ATN1: variants seen among roughly 807,000 people sequenced by gnomAD.
The protein encoded by ATN1 is atrophin-1.
In ATN1, 19 loss-of-function variants were observed where a neutral mutation model predicts 85.8. That is an observed-to-expected ratio of 0.22 (90% confidence interval 0.15 to 0.32). ATN1 has a LOEUF of 0.32. Ranked by LOEUF, ATN1 falls within the 10% of genes least tolerant of loss-of-function variation. The pLI is 1.00. For missense variants in ATN1, 1,453 were observed against 1,564.5 expected (o/e 0.93, Z 1.20); for synonymous variants, 674 against 657.0 (o/e 1.03, Z -0.39).
At position 6,936,719 on chromosome 12, in the gene ATN1, G is replaced by C. The variant is rs1555143742; in HGVS notation, c.1452G>C (p.Gln484His). Reference sequence around the variant, plus strand: ...TCTCAACACATCACCATCACCACCAGCAACAGCAACAGCAGCAGCAGCAGC... The same window carrying C: ...TCTCAACACATCACCATCACCACCACCAACAGCAACAGCAGCAGCAGCAGC... ...PPVSTHHHHH[Q>H]QQQQQQQQQQ... is the part of the protein sequence containing the mutation. The change falls in exon 5 of 10, where the codon CAG becomes CAC. Residue 484 changes from glutamine (Q) to histidine (H), a missense_variant. Transcript: ENST00000396684. 3.2e-6 allele frequency: 5 copies of C among 1,562,430 alleles called. No homozygotes were observed. The highest frequency in any genetic ancestry group is 2.2e-5 in the South Asian group (2 of 89,812).
At position 6,936,592 on chromosome 12, in the gene ATN1, C is replaced by T. The variant is rs782528418; in HGVS notation, c.1325C>T (p.Pro442Leu). 8 of 1,611,170 alleles carry T rather than the reference C, an allele frequency of 5.0e-6. No homozygotes were observed. The highest frequency in any genetic ancestry group is 6.8e-6 in the Non-Finnish European group (8 of 1,178,620). Residue 442 changes from proline (P) to leucine (L), a missense_variant, in exon 5 of 10, where the codon CCC becomes CTC. Pro to Leu is a moderately conservative substitution (Grantham distance 98). Coordinates refer to ENST00000396684, the MANE Select transcript of ATN1 (RefSeq NM_001940.4). ...LPSQAVWSQG[P>L]PPPPPYGRLL... ...TCCCAGGCTGTGTGGAGCCAGGGTC[C>T]CCCACCACCTCCTCCCTATGGCCGC...
rs782115782 is a variant in ATN1, at chr12:6,939,202, G to T, written c.3214+25G>T. On this transcript the variant is annotated intron_variant, in intron 7 of 9. Coordinates refer to ENST00000396684, the MANE Select transcript of ATN1 (RefSeq NM_001940.4). ...GGTGAGACCCCTCCTTCCTTGCCCT[G>T]GCCCTTTGGGGCCACCTTCCCCCTA... The T allele has an allele frequency of 7.0e-6, 11 of 1,563,978 alleles. No individual in the cohort carries two copies. The South Asian group carries it at 1.3e-4, about 18-fold the overall frequency.
Position 6,936,708 on chromosome 12 carries a change from C to T in ATN1, c.1441C>T (p.His481Tyr). The T allele has an allele frequency of 1.9e-6, 3 of 1,610,946 alleles. No individual in the cohort carries two copies. The highest frequency in any genetic ancestry group is 3.3e-5 in the Admixed American group (2 of 59,734). Reference protein sequence around the residue: ...TAHPPVSTHHHHHQQQQQQQQ... With the variant: ...TAHPPVSTHHYHHQQQQQQQQ... ...CCACCCACCAGTCTCAACACATCAC[C>T]ATCACCACCAGCAACAGCAACAGCA... The change falls in exon 5 of 10, where the codon CAT (histidine) becomes TAT (tyrosine). Residue 481 changes from histidine to tyrosine, a missense_variant. Physicochemically the swap from His to Tyr is moderately conservative, Grantham distance 83. Around this residue, in one of 6 missense-constraint regions of ATN1, gnomAD observed 990 missense variants for 914.8 expected, o/e 1.08. Coordinates refer to ENST00000396684, the MANE Select transcript of ATN1 (RefSeq NM_001940.4).
chr12:6,933,961 C>G lies in ATN1; in HGVS notation c.-41C>G. On this transcript the variant is annotated 5_prime_UTR_variant, in exon 2 of 10. Transcript: ENST00000396684. ...GGAGCAGAGAAGTTTCTGTATTCAG[C>G]TGCCCAGGCAGAGGAGAATGGGGTC... 1 of 1,587,894 alleles carries G rather than the reference C, an allele frequency of 6.3e-7. No homozygotes were observed. Among genetic ancestry groups the G allele is most frequent in the Non-Finnish European group, 8.6e-7 (1 of 1,166,906 alleles).
At chr12:6,939,230 A>G (rs1945600764) in intron 7 of ATN1, 53 bp downstream of exon 7, 2 of 1,523,752 alleles carry the variant, frequency 1.3e-6, no homozygotes, top group Admixed American at 1.9e-5. Context: ...TCCCCCTATC[A>G]TGACTGGGCT....
rs148778647 is a variant in ATN1 at position 6,936,713 on chromosome 12, C to G, written c.1446C>G (p.His482Gln). The change falls in exon 5 of 10, where the codon CAC becomes CAG. Residue 482 changes from histidine (H) to glutamine (Q), a missense_variant. By Grantham distance (24) the His-to-Gln change is conservative. Transcript: ENST00000396684. ...AHPPVSTHHH[H>Q]HQQQQQQQQQ... ...CACCAGTCTCAACACATCACCATCA[C>G]CACCAGCAACAGCAACAGCAGCAGC... The G allele has an allele frequency of 2.5e-6, 4 of 1,598,368 alleles. No homozygotes were observed. Among genetic ancestry groups the G allele is most frequent in the African/African-American group, 2.8e-5 (2 of 70,204 alleles).
chr12:6,937,173 C>T lies in ATN1; in HGVS notation c.1906C>T (p.Pro636Ser). The T allele has an allele frequency of 6.2e-7, 1 of 1,611,108 alleles. No individual in the cohort carries two copies. Among genetic ancestry groups the T allele is most frequent in the Non-Finnish European group, 8.5e-7 (1 of 1,179,710 alleles). The change falls in exon 5 of 10, where the codon CCC (proline) becomes TCC (serine). Residue 636 changes from proline to serine, a missense_variant. Pro to Ser is a moderately conservative substitution (Grantham distance 74). Transcript: ENST00000396684. This position sits in a 1 kb window ranked among gnomAD's most constrained non-coding sequence, Gnocchi z 6.0. ...AGYKTASPPG[P>S]PPYGKRAPSP... The stretch of plus-strand genomic sequence containing the variant: ...CTACAAAACGGCCTCCCCACCTGGG[C>T]CCCCACCGTACGGAAAGAGAGCCCC...
rs751840812 is a variant in ATN1, at chr12:6,941,787, C to T, written c.*7C>T. The T allele has an allele frequency of 6.2e-6, 10 of 1,613,740 alleles. No homozygotes were observed. The highest frequency in any genetic ancestry group is 2.2e-5 in the East Asian group (1 of 44,904). On this transcript the variant is annotated 3_prime_UTR_variant, in exon 10 of 10. Coordinates refer to ENST00000396684, the MANE Select transcript of ATN1 (RefSeq NM_001940.4). The surrounding 1 kb of genome is among the most constrained non-coding windows in gnomAD (Gnocchi z 5.9). Reference sequence around the variant, plus strand: ...AAGCGACAAGCCACTGTAGAACCTGCGATCAAGAGAGCACCATGGCTCCTA... The same window carrying T: ...AAGCGACAAGCCACTGTAGAACCTGTGATCAAGAGAGCACCATGGCTCCTA...
At position 6,936,451 on chromosome 12, in the gene ATN1, C is replaced by G. The variant is rs1555143671; in HGVS notation, c.1184C>G (p.Ser395Cys). 6.2e-7 allele frequency: 1 copy of G among 1,609,178 alleles called. No individual in the cohort carries two copies. The stretch of plus-strand genomic sequence containing the variant: ...TCTTCCAGTTCTTCCTCCTCTTCCT[C>G]TGCCTCCCCCTTCCCAGCTTCCCAG... The part of the protein sequence containing the change: ...ASSSSSSSSS[S>C]ASPFPASQAL... Residue 395 changes from serine (S) to cysteine (C), a missense_variant, in exon 5 of 10, where the codon TCT becomes TGT. Around this residue, in one of 6 missense-constraint regions of ATN1, gnomAD observed 990 missense variants for 914.8 expected, o/e 1.08. Transcript: ENST00000396684.
At position 6,936,321 on chromosome 12, in the gene ATN1, C is replaced by T. The variant is rs1555143635; in HGVS notation, c.1054C>T (p.Leu352=). The change falls in exon 5 of 10, where the codon CTG becomes TTG. Residue 352 remains leucine (L), a synonymous_variant. Coordinates refer to ENST00000396684, the MANE Select transcript of ATN1 (RefSeq NM_001940.4). ...LPPGPEKGPT[L]APSPHSLPPA... ...TCCTGGCCCAGAGAAGGGCCCAACT[C>T]TGGCTCCTTCACCCCACTCTCTGCC... 6.2e-7 allele frequency: 1 copy of T among 1,614,006 alleles called. No individual in the cohort carries two copies. Among genetic ancestry groups the T allele is most frequent in the Non-Finnish European group, 8.5e-7 (1 of 1,179,926 alleles).
Position 6,938,059 on chromosome 12 carries a change from C to G in ATN1, c.2509C>G (p.Arg837Gly). ...GCGCGAGAAGGAGCGCGAGCTTGAA[C>G]GCAGCGTGGTGAGTGCGTCACTGCC... ...REREKERELE[R>G]SVKLAQEGRA... Residue 837 changes from arginine (R) to glycine (G), a missense_variant, in exon 6 of 10, where the codon CGC becomes GGC. By Grantham distance (125) the Arg-to-Gly change is moderately radical. Around this residue, in one of 6 missense-constraint regions of ATN1, gnomAD observed 990 missense variants for 914.8 expected, o/e 1.08. Coordinates refer to ENST00000396684, the MANE Select transcript of ATN1 (RefSeq NM_001940.4). The G allele has an allele frequency of 6.5e-7, 1 of 1,544,434 alleles. No homozygotes were observed. Among genetic ancestry groups the G allele is most frequent in the Non-Finnish European group, 8.7e-7 (1 of 1,145,774 alleles).
At chr12:6,930,526 T>C (rs782277364) in intron 1 of ATN1, among the ~76,000 whole-genome samples, 24 of 152,344 alleles carry the variant, frequency 1.6e-4, no homozygotes, top group African/African-American at 5.0e-4. Flanking sequence ...CAGTGCGCAG[T>C]GGCTCACGCC....
Position 6,936,792 on chromosome 12 carries a change from C to A in ATN1, c.1525C>A (p.Pro509Thr). The A allele has an allele frequency of 6.2e-7, 1 of 1,612,972 alleles. No individual in the cohort carries two copies. Residue 509 changes from proline (P) to threonine (T), a missense_variant, in exon 5 of 10, where the codon CCC becomes ACC. Physicochemically the swap from Pro to Thr is conservative, Grantham distance 38. This residue lies in a region of ATN1 where 990 missense variants were observed against 914.8 expected (regional missense o/e 1.08). Transcript: ENST00000396684. ...QQQQHHGNSG[P>T]PPPGAFPHPL... ...GCAGCAGCATCACGGAAACTCTGGGCCCCCTCCTCCTGGAGCATTTCCCCA... is the reference window on the plus strand; with the variant it reads ...GCAGCAGCATCACGGAAACTCTGGGACCCCTCCTCCTGGAGCATTTCCCCA...
chr12:6,936,779 C>T lies in ATN1; in HGVS notation c.1512C>T (p.His504=), dbSNP rs782485916. 5.2e-6 allele frequency: 8 copies of T among 1,544,488 alleles called. No homozygotes were observed. Among genetic ancestry groups the T allele is most frequent in the South Asian group, 3.6e-5 (3 of 83,070 alleles). ...QQQQQQQQQH[H]GNSGPPPPGA... is the part of the protein sequence containing the mutation. ...AGCAGCAGCAGCAGCAGCAGCATCA[C>T]GGAAACTCTGGGCCCCCTCCTCCTG... is the stretch of plus-strand genomic sequence containing the variant. Residue 504 remains histidine, a synonymous_variant, in exon 5 of 10, where the codon CAC becomes CAT. Coordinates refer to ENST00000396684, the MANE Select transcript of ATN1 (RefSeq NM_001940.4).
rs781810775 is a variant in ATN1 at position 6,932,242 on chromosome 12, C to CA, written c.-162-1597dup. Among the ~76,000 whole-genome samples, 404 of 152,186 alleles carry CA rather than the reference C, an allele frequency of 2.7e-3. 2 individuals are homozygous for CA. The highest frequency in any genetic ancestry group is 9.2e-3 in the African/African-American group (381 of 41,506). On this transcript the variant is annotated intron_variant, in intron 1 of 9. Transcript: ENST00000396684. The stretch of plus-strand genomic sequence containing the variant: ...TTACTGTGTTTCTTGGGAAAAAATA[C>CA]ACTACAGAATATGGACATGCCGTTT...
At chr12:6,932,180 G>A (rs1286888924) in intron 1 of ATN1, among the ~76,000 whole-genome samples, 1 of 152,032 alleles carries the variant, frequency 6.6e-6, no homozygotes, top group Non-Finnish European at 1.5e-5. Context: ...ACCCCTTACT[G>A]CCTGCATCAG....
chr12:6,930,499 T>C (rs1190808010), intron 1 of ATN1, among the ~76,000 whole-genome samples: 1 of 152,186 alleles, frequency 6.6e-6, no homozygotes, highest in African/African-American at 2.4e-5. Flanking sequence ...CATTTTCTTT[T>C]TAAAGTAAGG....
chr12:6,933,213 T>C (rs927847700), intron 1 of ATN1, among the ~76,000 whole-genome samples: 11 of 151,880 alleles, frequency 7.2e-5, no homozygotes, highest in Middle Eastern at 3.4e-3. Flanking sequence ...CAATGTCATT[T>C]CTTTTTTCTT....
At position 6,937,967 on chromosome 12, in the gene ATN1, A is replaced by C; in HGVS notation, c.2417A>C (p.Glu806Ala). ...RADLVEKVRR[E>A]AEQRAREEKE... Reference sequence around the variant, plus strand: ...GACCTGGTGGAGAAGGTGCGGCGCGAGGCCGAGCAGCGCGCGCGCGAAGAA... The same window carrying C: ...GACCTGGTGGAGAAGGTGCGGCGCGCGGCCGAGCAGCGCGCGCGCGAAGAA... Residue 806 changes from glutamate (E) to alanine (A), a missense_variant, in exon 6 of 10, where the codon GAG becomes GCG. Physicochemically the swap from Glu to Ala is moderately radical, Grantham distance 107. Around this residue, in one of 6 missense-constraint regions of ATN1, gnomAD observed 990 missense variants for 914.8 expected, o/e 1.08. Transcript: ENST00000396684. The surrounding 1 kb of genome is among the most constrained non-coding windows in gnomAD (Gnocchi z 6.0). The C allele has an allele frequency of 1.3e-6, 2 of 1,562,186 alleles. No homozygotes were observed. The highest frequency in any genetic ancestry group is 1.7e-6 in the Non-Finnish European group (2 of 1,154,322).
Sources: gnomAD v4.1 joint callset for allele counts (sites outside exome capture counted in the v4.1 genomes callset) on GRCh38, gnomAD v4.1.1 for gene constraint, gnomAD v4.1.1 regional missense constraint, Gnocchi (gnomAD v3.1) non-coding constraint, MANE v1.5 for transcripts, NCBI Gene and HGNC (gene_info 2026-07-23, HGNC 2026-07-21) for gene names.